Variants in TENM2 observed in about 807,000 individuals in gnomAD.
The protein encoded by TENM2 is teneurin-2.
A neutral mutation model predicts 245.2 loss-of-function variants in TENM2; 52 were observed. The observed-to-expected ratio is 0.21, with a 90% confidence interval of 0.17 to 0.27. The LOEUF (loss-of-function observed/expected upper bound fraction) is 0.27. TENM2 is among the 10% of genes least tolerant of loss of function. The probability of loss-of-function intolerance (pLI) is 1.00; values close to 1 mark genes in which losing one functional copy is unlikely to be tolerated. For missense variants in TENM2, 3,046 were observed against 3,666.8 expected, an observed-to-expected ratio of 0.83 and a Z score of 4.37; for synonymous variants, 1,363 against 1,438.9, an observed-to-expected ratio of 0.95 and a Z score of 1.19.
rs149883428 is a variant in TENM2, at chr5:167,587,903, G to A, written c.502+212430G>A. Among the ~76,000 whole-genome samples, 84 of 152,186 alleles carry A rather than the reference G, an allele frequency of 5.5e-4. 1 individual carries two copies. Among genetic ancestry groups the A allele is most frequent in the African/African-American group, 1.9e-3 (79 of 41,536 alleles). On this transcript the variant is annotated intron_variant, in intron 2 of 28. Coordinates refer to ENST00000518659, the Ensembl canonical transcript of TENM2. ...TCCTCTTTTTCCCCCCTTAGCCCGT[G>A]AGCCATGTGGTTTGCAAAGGTCTGC...
intron 1 of TENM2, among the ~76,000 whole-genome samples, chr5:167,351,363 A>G (rs777611700): frequency 2.6e-4 from 40 of 152,130 alleles, no homozygotes; most frequent in Admixed American, 2.6e-4. Flanking sequence ...CACTTGCATC[A>G]TCAGGGAAAG....
At chr5:167,054,626 G>A in the TENM2 span, among the ~76,000 whole-genome samples, 1 of 152,116 alleles carries the variant, frequency 6.6e-6, no homozygotes. Flanking sequence ...CAAAGTGGCT[G>A]TACCATTTTA....
the TENM2 span, among the ~76,000 whole-genome samples, chr5:167,187,336 G>T: frequency 1.3e-5 from 2 of 152,308 alleles, no homozygotes; most frequent in East Asian, 3.9e-4. Flanking sequence ...TCAAAAGGCT[G>T]CCTCCTCTGA....
intron 2 of TENM2, among the ~76,000 whole-genome samples, chr5:167,798,931 C>T (rs1765508001): frequency 1.3e-5 from 2 of 152,354 alleles, no homozygotes; most frequent in South Asian, 4.1e-4. Flanking sequence ...ACAGTTCTCT[C>T]TCTTCTGCCC....
At chr5:167,498,113 G>A (rs1768934866) in intron 2 of TENM2, among the ~76,000 whole-genome samples, 1 of 152,074 alleles carries the variant, frequency 6.6e-6, no homozygotes, top group Non-Finnish European at 1.5e-5. Context: ...GGCAGGGAGG[G>A]GGTGAGTTTG....
intron 1 of TENM2, among the ~76,000 whole-genome samples, chr5:167,327,794 G>A (rs1009029295): frequency 5.9e-5 from 9 of 152,202 alleles, no homozygotes; most frequent in African/African-American, 2.2e-4. Context: ...TGGTGAAATA[G>A]GGTAGAGTAT....
At chr5:167,139,416 T>G in the TENM2 span, among the ~76,000 whole-genome samples, 1 of 152,234 alleles carries the variant, frequency 6.6e-6, no homozygotes, top group Non-Finnish European at 1.5e-5. Flanking sequence ...CTATATTCCC[T>G]TAAATTGTAT....
At chr5:167,782,900 G>A (rs543916067) in intron 2 of TENM2, among the ~76,000 whole-genome samples, 5 of 152,284 alleles carry the variant, frequency 3.3e-5, no homozygotes, top group East Asian at 3.9e-4. Context: ...AGGCCTGCTC[G>A]CCCAGCTCAG....
At chr5:168,143,885 T>C (rs905519507) in intron 12 of TENM2, among the ~76,000 whole-genome samples, 2 of 145,804 alleles carry the variant, frequency 1.4e-5, no homozygotes, top group African/African-American at 5.1e-5. Context: ...GTTTCTCTCT[T>C]ATTTCCCAGG....
intron 2 of TENM2, among the ~76,000 whole-genome samples, chr5:167,424,240 AG>A (rs1317746079): frequency 6.6e-6 from 1 of 152,044 alleles, no homozygotes; most frequent in East Asian, 1.9e-4. Flanking sequence ...CCGTTTACCC[AG>A]GCAGAATAAA....
At chr5:167,900,847 A>C in intron 3 of TENM2, among the ~76,000 whole-genome samples, 1 of 148,904 alleles carries the variant, frequency 6.7e-6, no homozygotes, top group Non-Finnish European at 1.5e-5. Context: ...GTGAGGTGGG[A>C]TTGAGGCCTT....
At chr5:167,576,681 C>T (rs180816816) in intron 2 of TENM2, among the ~76,000 whole-genome samples, 14 of 152,152 alleles carry the variant, frequency 9.2e-5, no homozygotes, top group African/African-American at 3.1e-4. Flanking sequence ...AAATAGAATA[C>T]CCTGAGAAGA....
Position 167,336,166 on chromosome 5 carries a change from T to C in TENM2, c.227-39032T>C, listed in dbSNP as rs1757739871. 5.3e-5 allele frequency among the ~76,000 whole-genome samples: 8 copies of C among 150,762 alleles called. No homozygotes were observed. In the South Asian group the frequency reaches 1.7e-3, roughly 32 times the overall value. Reference sequence around the variant, plus strand: ...ATCCATTGGCTCATCCAATGTTCTTTTCATTTCTCCTTTTTTTTTTTTTTT... The same window carrying C: ...ATCCATTGGCTCATCCAATGTTCTTCTCATTTCTCCTTTTTTTTTTTTTTT... On this transcript the variant is annotated intron_variant, in intron 1 of 28. Coordinates refer to ENST00000518659, the Ensembl canonical transcript of TENM2.
chr5:167,993,323 T>C (rs1783811624), intron 5 of TENM2, 141 bp downstream of exon 7: 1 of 655,236 alleles, frequency 1.5e-6, no homozygotes, highest in Admixed American at 2.9e-5. Flanking sequence ...GAGTGATGGA[T>C]GGAGGTGATT....
At chr5:168,149,063 C>T (rs1227028345) in intron 12 of TENM2, among the ~76,000 whole-genome samples, 1 of 152,042 alleles carries the variant, frequency 6.6e-6, no homozygotes, top group East Asian at 1.9e-4. Flanking sequence ...TTCAAAGAGA[C>T]CCTATTGCCA....
chr5:167,419,648 A>G (rs1763373998), intron 2 of TENM2, among the ~76,000 whole-genome samples: 1 of 152,176 alleles, frequency 6.6e-6, no homozygotes, highest in African/African-American at 2.4e-5. Flanking sequence ...CCCCTGACTA[A>G]CACTATGAAA....
chr5:167,375,126 T>C, intron 1 of TENM2, 72 bp from the exon 4 acceptor site: 1 of 1,490,240 alleles, frequency 6.7e-7, no homozygotes, highest in Admixed American at 2.3e-5. Flanking sequence ...GCTGCTTTTT[T>C]GTAAGGATAA....
intron 9 of TENM2, among the ~76,000 whole-genome samples, chr5:168,101,374 G>A (rs1793800822): frequency 6.6e-6 from 1 of 152,158 alleles, no homozygotes; most frequent in African/African-American, 2.4e-5. Flanking sequence ...AACCATGTGT[G>A]CTCCGACTGC....
chr5:167,206,132 G>T, the TENM2 span, among the ~76,000 whole-genome samples: 82 of 152,264 alleles, frequency 5.4e-4, 1 homozygote, highest in African/African-American at 1.9e-3. Flanking sequence ...AACAAATCTT[G>T]CTTACCACAG....
Sources: allele counts gnomAD v4.1 joint callset (sites outside exome capture counted in the v4.1 genomes callset), GRCh38; gene constraint gnomAD v4.1.1; transcripts MANE v1.5; gene names NCBI Gene and HGNC (gene_info 2026-07-23, HGNC 2026-07-21).